The following CTDSPL2 variants were observed in gnomAD, a reference collection of about 807,000 sequenced individuals.
CTDSPL2 encodes the protein CTD small phosphatase-like protein 2.
Under a neutral mutation model 60.0 loss-of-function variants are expected in CTDSPL2, and 5 were observed. The ratio of observed to expected loss-of-function variants is 0.08; its 90% CI spans 0.04 to 0.18. CTDSPL2 has a LOEUF of 0.18. Ranked by LOEUF, CTDSPL2 falls within the 10% of genes least tolerant of loss-of-function variation. The pLI, the probability that CTDSPL2 is intolerant of heterozygous loss-of-function variation, is 1.00. For missense variants in CTDSPL2, 370 were observed against 548.8 expected (o/e 0.67, Z 3.26); for synonymous variants, 186 against 189.3 (o/e 0.98, Z 0.14).
chr15:44,471,697 C>G (rs1485684003), intron 2 of CTDSPL2, among the ~76,000 whole-genome samples: 1 of 152,102 alleles, frequency 6.6e-6, no homozygotes, highest in African/African-American at 2.4e-5. Context: ...AGTACATGCA[C>G]AGAATTGTGC....
At chr15:44,516,829 G>C (rs982431974) in intron 10 of CTDSPL2, 6 of 148,604 alleles carry the variant, frequency 4.0e-5, no homozygotes, top group Non-Finnish European at 8.9e-5. Context: ...TGAAACAAAA[G>C]CTTGTTTTTT....
intron 4 of CTDSPL2, among the ~76,000 whole-genome samples, chr15:44,488,504 A>G (rs551087745): frequency 1.3e-5 from 2 of 152,324 alleles, no homozygotes; most frequent in South Asian, 2.1e-4. Flanking sequence ...TTGAGATGCC[A>G]TGAAATATTT....
intron 8 of CTDSPL2, among the ~76,000 whole-genome samples, chr15:44,512,115 T>G (rs907676201): frequency 2.0e-5 from 3 of 151,724 alleles, no homozygotes; most frequent in Non-Finnish European, 4.4e-5. Context: ...GAGGATCACT[T>G]CAGCCCGGGA....
intron 2 of CTDSPL2, among the ~76,000 whole-genome samples, chr15:44,462,261 A>G (rs955996884): frequency 6.6e-5 from 10 of 152,158 alleles, no homozygotes; most frequent in African/African-American, 2.4e-4. Flanking sequence ...TTTGTGTTAA[A>G]TTATACTTTT....
intron 1 of CTDSPL2, among the ~76,000 whole-genome samples, chr15:44,431,650 G>A (rs1056629720): frequency 6.6e-6 from 1 of 151,968 alleles, no homozygotes; most frequent in Non-Finnish European, 1.5e-5. Flanking sequence ...ACCACACACA[G>A]GTTGAGGGTT....
At chr15:44,481,081 A>G (rs1156908957) in intron 2 of CTDSPL2, among the ~76,000 whole-genome samples, 1 of 150,330 alleles carries the variant, frequency 6.7e-6, no homozygotes, top group Non-Finnish European at 1.5e-5. Context: ...CATGCCTGTA[A>G]TCCCAGCACT....
intron 1 of CTDSPL2, among the ~76,000 whole-genome samples, chr15:44,457,690 C>A (rs2080477694): frequency 6.6e-6 from 1 of 152,166 alleles, no homozygotes; most frequent in African/African-American, 2.4e-5. Context: ...CTCCTCAATG[C>A]AACCTCCGCC....
chr15:44,468,977 T>C (rs988071798), intron 2 of CTDSPL2, among the ~76,000 whole-genome samples: 5 of 152,212 alleles, frequency 3.3e-5, no homozygotes, highest in African/African-American at 1.2e-4. Context: ...GTTTATCATA[T>C]CAGCTGTGTA....
chr15:44,504,100 C>G (rs2081419872), intron 8 of CTDSPL2, among the ~76,000 whole-genome samples: 1 of 152,170 alleles, frequency 6.6e-6, no homozygotes, highest in African/African-American at 2.4e-5. Flanking sequence ...GTAATCCCAG[C>G]ACTTTGGGAG....
chr15:44,460,236 G>A (rs1050908203), intron 2 of CTDSPL2, among the ~76,000 whole-genome samples: 2 of 151,966 alleles, frequency 1.3e-5, no homozygotes, highest in African/African-American at 4.8e-5. Context: ...TCAGCCTCCC[G>A]AGTAGCTGGG....
intron 1 of CTDSPL2, among the ~76,000 whole-genome samples, chr15:44,446,947 G>A (rs1426025614): frequency 1.3e-5 from 2 of 151,768 alleles, no homozygotes; most frequent in Non-Finnish European, 2.9e-5. Context: ...TAGAGACAGA[G>A]TTTCACCATG....
At chr15:44,496,730 A>T (rs2081307104) in intron 6 of CTDSPL2, among the ~76,000 whole-genome samples, 1 of 152,126 alleles carries the variant, frequency 6.6e-6, no homozygotes, top group Non-Finnish European at 1.5e-5. Flanking sequence ...ACACGGTGGC[A>T]CATGCCTGTA....
At chr15:44,456,172 A>C (rs1278970259) in intron 1 of CTDSPL2, among the ~76,000 whole-genome samples, 1 of 152,108 alleles carries the variant, frequency 6.6e-6, no homozygotes, top group African/African-American at 2.4e-5. Flanking sequence ...TTTTGCATCA[A>C]TGTTCATCAA....
chr15:44,501,284 G>C (rs1039921788), intron 8 of CTDSPL2, among the ~76,000 whole-genome samples: 11 of 152,068 alleles, frequency 7.2e-5, no homozygotes, highest in African/African-American at 2.2e-4. Context: ...ATGATTTTGA[G>C]ATGACTTCTT....
chr15:44,484,165 G>T, intron 2 of CTDSPL2, 59 bp from the exon 3 acceptor site: 1 of 1,441,504 alleles, frequency 6.9e-7, no homozygotes, highest in South Asian at 1.3e-5. Context: ...TTTTAATATT[G>T]TAACCTGTAA....
intron 2 of CTDSPL2, among the ~76,000 whole-genome samples, chr15:44,479,089 A>C (rs555249489): frequency 5.3e-5 from 8 of 152,200 alleles, no homozygotes; most frequent in Admixed American, 3.9e-4. Flanking sequence ...AAAAAAAAAA[A>C]ACAAGTTTTC....
intron 7 of CTDSPL2, among the ~76,000 whole-genome samples, chr15:44,499,232 C>T (rs531072117): frequency 1.3e-5 from 2 of 152,184 alleles, no homozygotes; most frequent in East Asian, 3.9e-4. Context: ...TGGTGAAACC[C>T]TGTCTCTACT....
chr15:44,444,332 C>G (rs1004230311), intron 1 of CTDSPL2, among the ~76,000 whole-genome samples: 1 of 151,210 alleles, frequency 6.6e-6, no homozygotes, highest in Non-Finnish European at 1.5e-5. Context: ...CACACACACA[C>G]ACACACACAG....
intron 2 of CTDSPL2, among the ~76,000 whole-genome samples, chr15:44,472,642 C>T (rs1359858296): frequency 1.3e-5 from 2 of 151,618 alleles, no homozygotes; most frequent in Non-Finnish European, 2.9e-5. Flanking sequence ...AGACTACAGG[C>T]ATGTGCCACT....
Sources: allele counts gnomAD v4.1 joint callset (sites outside exome capture counted in the v4.1 genomes callset), GRCh38; gene constraint gnomAD v4.1.1; transcripts MANE v1.5; gene names NCBI Gene and HGNC (gene_info 2026-07-23, HGNC 2026-07-21).